Variants in ZNF407 observed in about 807,000 individuals in gnomAD.
ZNF407 encodes zinc finger protein 407.
A neutral mutation model predicts 131.2 loss-of-function variants in ZNF407; 17 were observed. That is an observed-to-expected ratio of 0.13 (90% CI 0.09 to 0.19). The LOEUF (loss-of-function observed/expected upper bound fraction) is 0.19, where lower values mean the gene tolerates loss of function less well. ZNF407 is among the 10% of genes least tolerant of loss of function. The pLI is 1.00. For missense variants in ZNF407, 2,681 were observed against 2,830.6 expected, an observed-to-expected ratio of 0.95 and a Z score of 1.20; for synonymous variants, 1,156 against 1,062.0, an observed-to-expected ratio of 1.09 and a Z score of -1.72.
chr18:74,778,266 G>A (rs1050576304), intron 3 of ZNF407, among the ~76,000 whole-genome samples: 1 of 152,102 alleles, frequency 6.6e-6, no homozygotes, highest in Non-Finnish European at 1.5e-5. Context: ...AATGAATTGA[G>A]ACTCTGCCTT....
intron 8 of ZNF407, among the ~76,000 whole-genome samples, chr18:74,970,860 C>A (rs1051145873): frequency 6.6e-6 from 1 of 152,266 alleles, no homozygotes; most frequent in Non-Finnish European, 1.5e-5. Context: ...TTTCTTTGCA[C>A]GCTGCCCTAG....
chr18:74,696,233 G>T (rs377001464), intron 3 of ZNF407, among the ~76,000 whole-genome samples: 1 of 152,138 alleles, frequency 6.6e-6, no homozygotes, highest in South Asian at 2.1e-4. Context: ...TGGAGCAGAG[G>T]TCTGTTAGCT....
chr18:74,872,097 T>C (rs927935816), intron 4 of ZNF407, among the ~76,000 whole-genome samples: 3 of 152,090 alleles, frequency 2.0e-5, no homozygotes, highest in African/African-American at 7.2e-5. Context: ...GAGTTCTTTC[T>C]TTTTAGAAAC....
chr18:74,685,484 T>C (rs1967076466), intron 3 of ZNF407, among the ~76,000 whole-genome samples: 1 of 152,190 alleles, frequency 6.6e-6, no homozygotes, highest in Admixed American at 6.5e-5. Context: ...CTTGATCTTT[T>C]TCAGGCATGT....
At chr18:74,901,048 C>T (rs1302200048) in intron 7 of ZNF407, among the ~76,000 whole-genome samples, 1 of 152,084 alleles carries the variant, frequency 6.6e-6, no homozygotes, top group African/African-American at 2.4e-5. Context: ...ACATATCACC[C>T]TGTAGGCTGA....
At chr18:74,714,856 T>G (rs897483257) in intron 3 of ZNF407, among the ~76,000 whole-genome samples, 4 of 152,138 alleles carry the variant, frequency 2.6e-5, no homozygotes. Flanking sequence ...AGGAGTCAAA[T>G]AGGATGTGCC....
At chr18:74,684,234 T>A (rs1028014548) in intron 3 of ZNF407, among the ~76,000 whole-genome samples, 1 of 152,102 alleles carries the variant, frequency 6.6e-6, no homozygotes. Context: ...ATTTTTTTTT[T>A]CCAGGGTAAC....
At chr18:74,802,114 C>G (rs1970030326) in intron 4 of ZNF407, among the ~76,000 whole-genome samples, 1 of 152,174 alleles carries the variant, frequency 6.6e-6, no homozygotes, top group South Asian at 2.1e-4. Context: ...TAATGTCCCT[C>G]AATGAACATC....
intron 7 of ZNF407, among the ~76,000 whole-genome samples, chr18:74,908,341 T>G (rs1358559941): frequency 6.6e-6 from 1 of 152,206 alleles, no homozygotes; most frequent in Non-Finnish European, 1.5e-5. Flanking sequence ...ATGTTAAAAT[T>G]TTTTAATCCA....
intron 8 of ZNF407, among the ~76,000 whole-genome samples, chr18:74,987,894 T>G (rs145994368): frequency 1.1e-3 from 167 of 152,302 alleles, no homozygotes; most frequent in African/African-American, 3.8e-3. Flanking sequence ...ATCTATAGAT[T>G]CAACACAATC....
At chr18:74,740,298 C>A (rs1300410192) in intron 3 of ZNF407, among the ~76,000 whole-genome samples, 1 of 152,178 alleles carries the variant, frequency 6.6e-6, no homozygotes, top group Non-Finnish European at 1.5e-5. Flanking sequence ...GATAAGGACT[C>A]TTATGACTGC....
intron 4 of ZNF407, among the ~76,000 whole-genome samples, chr18:74,847,589 C>T (rs1315226820): frequency 6.6e-6 from 1 of 152,004 alleles, no homozygotes; most frequent in Non-Finnish European, 1.5e-5. Context: ...AAGAAACTGC[C>T]AGCAGAAATA....
intron 4 of ZNF407, among the ~76,000 whole-genome samples, chr18:74,818,353 T>C (rs1245591628): frequency 1.3e-5 from 2 of 152,230 alleles, no homozygotes; most frequent in African/African-American, 4.8e-5. Flanking sequence ...ATTCTGGACA[T>C]GTGGATAATT....
At chr18:74,718,934 T>G (rs763259172) in intron 3 of ZNF407, among the ~76,000 whole-genome samples, 2 of 152,226 alleles carry the variant, frequency 1.3e-5, no homozygotes, top group African/African-American at 2.4e-5. Flanking sequence ...CTATTTTGTC[T>G]GTCATTAATA....
At chr18:74,817,336 A>G (rs1277095997) in intron 4 of ZNF407, among the ~76,000 whole-genome samples, 1 of 152,188 alleles carries the variant, frequency 6.6e-6, no homozygotes, top group Non-Finnish European at 1.5e-5. Flanking sequence ...ACAAAACATA[A>G]TTACAATGTC....
At chr18:74,931,731 G>A (rs375267746) in intron 8 of ZNF407, among the ~76,000 whole-genome samples, 8 of 152,146 alleles carry the variant, frequency 5.3e-5, no homozygotes, top group African/African-American at 1.4e-4. Flanking sequence ...GTGAGTTCCC[G>A]TCACTCCACG....
At chr18:75,034,545 G>T (rs557669698) in intron 8 of ZNF407, among the ~76,000 whole-genome samples, 8 of 150,940 alleles carry the variant, frequency 5.3e-5, no homozygotes, top group Admixed American at 4.0e-4. Context: ...CTCGTGATCC[G>T]CCCGTCTCGG....
chr18:74,897,270 CAT>C (rs1488946396), intron 7 of ZNF407, among the ~76,000 whole-genome samples: 10 of 152,194 alleles, frequency 6.6e-5, no homozygotes, highest in African/African-American at 9.7e-5. Context: ...AATTGGTTCA[CAT>C]GTCTTTAAAA....
chr18:74,658,316 A>G (rs943238828), intron 3 of ZNF407, among the ~76,000 whole-genome samples: 2 of 152,000 alleles, frequency 1.3e-5, no homozygotes, highest in Non-Finnish European at 2.9e-5. Flanking sequence ...ACAGGGTTTC[A>G]CCATGTTGGC....
Sources: gnomAD v4.1 joint callset for allele counts (sites outside exome capture counted in the v4.1 genomes callset) on GRCh38, gnomAD v4.1.1 for gene constraint, MANE v1.5 for transcripts, NCBI Gene and HGNC (gene_info 2026-07-23, HGNC 2026-07-21) for gene names.